KLHL4: variants seen among roughly 807,000 people sequenced by gnomAD.
The protein encoded by KLHL4 is kelch-like protein 4.
A neutral mutation model predicts 45.8 loss-of-function variants in KLHL4; 17 were observed. That is an observed-to-expected ratio of 0.37 (90% CI 0.25 to 0.56). The LOEUF is 0.56. KLHL4 is among the 20% of genes least tolerant of loss of function. KLHL4 has a pLI of 0.79. For missense variants in KLHL4, 544 were observed against 544.9 expected, an observed-to-expected ratio of 1.00 and a Z score of 0.02; for synonymous variants, 224 against 189.9, an observed-to-expected ratio of 1.18 and a Z score of -1.47.
intron 1 of KLHL4, among the ~76,000 whole-genome samples, chrX:87,599,457 A>T (rs778878221): frequency 8.9e-6 from 1 of 111,993 alleles, no homozygotes; most frequent in Non-Finnish European, 1.9e-5. Context: ...ATGCTTCTTC[A>T]AAAACATATG....
intron 1 of KLHL4, among the ~76,000 whole-genome samples, chrX:87,583,179 G>A (rs1473740034): frequency 8.9e-6 from 1 of 112,030 alleles, no homozygotes; most frequent in Admixed American, 9.4e-5. Flanking sequence ...ACTGATTGGT[G>A]CATTTTACAA....
In KLHL4 at chrX:87,618,111, G is replaced by C. The variant is rs755301538; in HGVS notation, c.907G>C (p.Ala303Pro). ...AGGCTGTACAGAACTTCTGAACGTGGCACACAAATACACTATGGTAAAATC... is the reference window on the plus strand; with the variant it reads ...AGGCTGTACAGAACTTCTGAACGTGCCACACAAATACACTATGGTAAAATC... Reference protein sequence around the residue: ...AQGCTELLNVAHKYTMEHFIE... With the variant: ...AQGCTELLNVPHKYTMEHFIE... The change falls in exon 4 of 11, where the codon GCA (alanine) becomes CCA (proline). Residue 303 changes from alanine to proline, a missense_variant. Coordinates refer to ENST00000373119, the MANE Select transcript of KLHL4 (RefSeq NM_019117.5). The C allele has an allele frequency of 8.3e-7, 1 of 1,199,115 alleles. No individual in the cohort carries two copies. Among genetic ancestry groups the C allele is most frequent in the Non-Finnish European group, 1.1e-6 (1 of 887,948 alleles).
chrX:87,574,208 T>C (rs1445074616), intron 1 of KLHL4, among the ~76,000 whole-genome samples: 1 of 111,566 alleles, frequency 9.0e-6, no homozygotes, highest in Non-Finnish European at 1.9e-5. Context: ...AATTTCATCA[T>C]ATCCAATAAT....
At chrX:87,588,794 A>G (rs1311074069) in intron 1 of KLHL4, among the ~76,000 whole-genome samples, 3 of 109,095 alleles carry the variant, frequency 2.7e-5, no homozygotes, top group African/African-American at 1.0e-4. Context: ...GAAGAAGAAG[A>G]AGGAGAAGGA....
At chrX:87,540,876 A>G (rs1192408696) in intron 1 of KLHL4, among the ~76,000 whole-genome samples, 1 of 111,918 alleles carries the variant, frequency 8.9e-6, no homozygotes, top group Non-Finnish European at 1.9e-5. Flanking sequence ...TCTTTACACC[A>G]ACACCATCAC....
At chrX:87,657,343 T>C (rs1343396015) in intron 9 of KLHL4, among the ~76,000 whole-genome samples, 1 of 112,282 alleles carries the variant, frequency 8.9e-6, no homozygotes, top group African/African-American at 3.2e-5. Context: ...CTGGACCAGC[T>C]GGGGCCACCC....
chrX:87,615,514 C>T (rs747689936), intron 3 of KLHL4, among the ~76,000 whole-genome samples: 1 of 111,230 alleles, frequency 9.0e-6, no homozygotes, highest in South Asian at 3.7e-4. Context: ...CATGTCCACA[C>T]AACAGTGTGT....
intron 1 of KLHL4, among the ~76,000 whole-genome samples, chrX:87,608,936 C>T (rs1217138995): frequency 9.1e-6 from 1 of 110,109 alleles, no homozygotes; most frequent in Non-Finnish European, 1.9e-5. Context: ...CAACAGGCCC[C>T]GGTGTGTGAT....
At chrX:87,581,023 G>A (rs1022103391) in intron 1 of KLHL4, among the ~76,000 whole-genome samples, 1 of 112,128 alleles carries the variant, frequency 8.9e-6, no homozygotes, top group Non-Finnish European at 1.9e-5. Context: ...ATCCATTCCA[G>A]CCTGTGGGCT....
chrX:87,595,890 C>T lies in KLHL4; in HGVS notation c.423-17987C>T, dbSNP rs776784903. Among the ~76,000 whole-genome samples the T allele has an allele frequency of 2.7e-5, 3 of 111,404 alleles. No homozygotes were observed. The South Asian group carries it at 1.1e-3, about 42-fold the overall frequency. The stretch of plus-strand genomic sequence containing the variant: ...GACATAGTTTGGATGTTGTCCCCAC[C>T]CAAATTTCATGTTCAAATTTAATTC... On this transcript the variant is annotated intron_variant, in intron 1 of 10. Coordinates refer to ENST00000373119, the MANE Select transcript of KLHL4 (RefSeq NM_019117.5).
chrX:87,544,455 G>A (rs1047711776), intron 1 of KLHL4, among the ~76,000 whole-genome samples: 1 of 111,739 alleles, frequency 8.9e-6, no homozygotes, highest in Non-Finnish European at 1.9e-5. Context: ...GTCCTTGAAA[G>A]AACACAGGCA....
At chrX:87,631,615 G>C (rs988707727) in intron 6 of KLHL4, among the ~76,000 whole-genome samples, 2 of 111,584 alleles carry the variant, frequency 1.8e-5, no homozygotes, top group Non-Finnish European at 3.8e-5. Flanking sequence ...GGGCTGAAGT[G>C]GTCTTCCGAC....
chrX:87,563,811 A>G (rs999753699), intron 1 of KLHL4, among the ~76,000 whole-genome samples: 11 of 111,154 alleles, frequency 9.9e-5, no homozygotes, highest in African/African-American at 3.6e-4. Flanking sequence ...TTAAGAATCA[A>G]ACTCCCAAAG....
chrX:87,557,052 G>A (rs767191519), intron 1 of KLHL4, among the ~76,000 whole-genome samples: 4 of 111,951 alleles, frequency 3.6e-5, no homozygotes, highest in African/African-American at 9.7e-5. Flanking sequence ...AGAAATAACC[G>A]TGAGAAAATA....
chrX:87,570,472 A>G (rs1308714760), intron 1 of KLHL4, among the ~76,000 whole-genome samples: 1 of 110,767 alleles, frequency 9.0e-6, no homozygotes, highest in Non-Finnish European at 1.9e-5. Context: ...GAATGACCGT[A>G]TCATTTATCT....
chrX:87,661,810 T>A (rs1924199272), intron 9 of KLHL4, among the ~76,000 whole-genome samples: 1 of 111,925 alleles, frequency 8.9e-6, no homozygotes, highest in African/African-American at 3.2e-5. Context: ...GTATAGTAGT[T>A]AAACACATCA....
chrX:87,531,259 TC>T (rs1188877298), intron 1 of KLHL4, among the ~76,000 whole-genome samples: 27 of 110,898 alleles, frequency 2.4e-4, no homozygotes, highest in Non-Finnish European at 4.5e-4. Context: ...GTGCAGCAGC[TC>T]TTTAGTTTAA....
At chrX:87,617,782 T>C (rs1179856849) in intron 3 of KLHL4, 150 bp from the exon 4 acceptor site, 4 of 438,460 alleles carry the variant, frequency 9.1e-6, no homozygotes, top group Non-Finnish European at 1.2e-5. Flanking sequence ...AGACAGACTC[T>C]CTTGCGTATA....
chrX:87,545,640 G>A (rs1014757648), intron 1 of KLHL4, among the ~76,000 whole-genome samples: 2 of 111,913 alleles, frequency 1.8e-5, no homozygotes, highest in Non-Finnish European at 3.8e-5. Context: ...GTGCCACAGA[G>A]TGAGGTACTG....
Sources: allele counts gnomAD v4.1 joint callset (sites outside exome capture counted in the v4.1 genomes callset), GRCh38; gene constraint gnomAD v4.1.1; transcripts MANE v1.5; gene names NCBI Gene and HGNC (gene_info 2026-07-23, HGNC 2026-07-21).